FAM185A: variants seen among roughly 807,000 people sequenced by gnomAD.
The protein encoded by FAM185A is family with sequence similarity 185 member A, also known as protein FAM185A.
In FAM185A, 21 loss-of-function variants were observed where a neutral mutation model predicts 45.7. That is an observed-to-expected ratio of 0.46 (90% CI 0.33 to 0.66). FAM185A has a LOEUF of 0.66. FAM185A is among the 30% of genes least tolerant of loss of function. The pLI is 0.03. For synonymous variants in FAM185A, 117 were observed against 194.0 expected, an observed-to-expected ratio of 0.60 and a Z score of 3.30; for missense variants, 305 against 485.4, an observed-to-expected ratio of 0.63 and a Z score of 3.49.
downstream of FAM185A, chr7:102,814,209 G>A (rs536019687): frequency 6.6e-6 from 1 of 152,286 alleles, no homozygotes; most frequent in Non-Finnish European, 1.5e-5. Context: ...TAGAAAGTTG[G>A]TTTGAATCAC....
Position 102,757,257 on chromosome 7 carries a change from G to GT in FAM185A, c.562-596dup, listed in dbSNP as rs542900587. Reference sequence around the variant, plus strand: ...CCTTCAGACCGGTCCAGCGTTAAGAGTGTGGGCTTTGGAATCATACAGAAC... The same window carrying GT: ...CCTTCAGACCGGTCCAGCGTTAAGAGTTGTGGGCTTTGGAATCATACAGAAC... On this transcript the variant is annotated intron_variant, in intron 2 of 7. Coordinates refer to ENST00000413034, the MANE Select transcript of FAM185A (RefSeq NM_001145268.2). 3.3e-3 allele frequency among the ~76,000 whole-genome samples: 497 copies of GT among 152,044 alleles called. 1 individual carries two copies. The highest frequency in any genetic ancestry group is 6.1e-3 in the Non-Finnish European group (415 of 67,980).
At chr7:102,824,427 G>A in the FAM185A span, among the ~76,000 whole-genome samples, 2 of 151,944 alleles carry the variant, frequency 1.3e-5, no homozygotes, top group African/African-American at 4.8e-5. Context: ...TTTCTTGCTC[G>A]TTTCTCATTC....
downstream of FAM185A, among the ~76,000 whole-genome samples, chr7:102,810,014 T>G (rs753389194): frequency 6.6e-6 from 1 of 152,140 alleles, no homozygotes; most frequent in Admixed American, 6.5e-5. Context: ...GCTCCCACTT[T>G]GCCTTCTGCC....
intron 1 of FAM185A, among the ~76,000 whole-genome samples, chr7:102,750,524 A>G (rs1196875629): frequency 6.6e-6 from 1 of 152,218 alleles, no homozygotes; most frequent in East Asian, 1.9e-4. Flanking sequence ...GACAGATCAC[A>G]GTAATATAAC....
Position 102,759,971 on chromosome 7 carries a change from A to G in FAM185A, c.655-1302A>G, listed in dbSNP as rs546991958. ...ATGGTGATATTTGCTTTGTCCACTT[A>G]ACAAGGTTGTGAGAATCAAATGAGC... is the stretch of plus-strand genomic sequence containing the variant. On this transcript the variant is annotated intron_variant, in intron 3 of 7. Coordinates refer to ENST00000413034, the MANE Select transcript of FAM185A (RefSeq NM_001145268.2). Among the ~76,000 whole-genome samples, 22 of 152,192 alleles carry G rather than the reference A, an allele frequency of 1.4e-4. 1 individual carries two copies. Among genetic ancestry groups the G allele is most frequent in the African/African-American group, 5.1e-4 (21 of 41,532 alleles).
chr7:102,809,279 A>G (rs1456928719), downstream of FAM185A: 1 of 152,250 alleles, frequency 6.6e-6, no homozygotes, highest in Non-Finnish European at 1.5e-5. Context: ...GCTAATTAGG[A>G]AAAAAGAAAC....
chr7:102,825,785 T>C, the FAM185A span, among the ~76,000 whole-genome samples: 2 of 152,258 alleles, frequency 1.3e-5, no homozygotes, highest in Non-Finnish European at 2.9e-5. Context: ...ATTTCTTTCT[T>C]ATGTTGGATC....
intron 2 of FAM185A, among the ~76,000 whole-genome samples, chr7:102,756,633 G>A (rs1196485414): frequency 6.6e-6 from 1 of 151,852 alleles, no homozygotes; most frequent in Non-Finnish European, 1.5e-5. Context: ...CTTCAGCCTG[G>A]GCGACAGAGC....
chr7:102,819,708 C>A, the FAM185A span, among the ~76,000 whole-genome samples: 1 of 152,142 alleles, frequency 6.6e-6, no homozygotes, highest in Non-Finnish European at 1.5e-5. Context: ...TCTCTCTTAT[C>A]CCACCTGCCA....
chr7:102,816,969 T>C, the FAM185A span, among the ~76,000 whole-genome samples: 1 of 152,246 alleles, frequency 6.6e-6, no homozygotes, highest in African/African-American at 2.4e-5. Flanking sequence ...TAGCATCCCA[T>C]GGTCTGAATG....
intron 6 of FAM185A, among the ~76,000 whole-genome samples, chr7:102,778,759 T>A (rs1472669009): frequency 6.6e-6 from 1 of 152,178 alleles, no homozygotes; most frequent in Non-Finnish European, 1.5e-5. Context: ...AAACAAAGAT[T>A]TCTGTCTTAC....
chr7:102,781,947 G>C (rs933202476), intron 6 of FAM185A, among the ~76,000 whole-genome samples: 1 of 152,312 alleles, frequency 6.6e-6, no homozygotes, highest in African/African-American at 2.4e-5. Flanking sequence ...AATCAATGCA[G>C]AGAAGTCCCT....
the FAM185A span, among the ~76,000 whole-genome samples, chr7:102,827,806 T>C: frequency 1.3e-5 from 2 of 152,168 alleles, no homozygotes; most frequent in African/African-American, 4.8e-5. Flanking sequence ...GATAGTTTGC[T>C]GAGAACAATG....
At chr7:102,756,234 T>C (rs1793725420) in intron 2 of FAM185A, among the ~76,000 whole-genome samples, 1 of 152,044 alleles carries the variant, frequency 6.6e-6, no homozygotes, top group Non-Finnish European at 1.5e-5. Flanking sequence ...CCATATCTCT[T>C]TATGTAACAA....
At chr7:102,826,661 G>C in the FAM185A span, among the ~76,000 whole-genome samples, 2 of 142,664 alleles carry the variant, frequency 1.4e-5, no homozygotes, top group African/African-American at 5.2e-5. Context: ...GGAGGTTGAG[G>C]CTGCAGTGAG....
At chr7:102,838,284 T>C in the FAM185A span, among the ~76,000 whole-genome samples, 1 of 152,120 alleles carries the variant, frequency 6.6e-6, no homozygotes, top group Non-Finnish European at 1.5e-5. Context: ...AGCACCTACT[T>C]CATAGAGTTG....
chr7:102,786,602 C>T (rs1362243595), intron 6 of FAM185A, among the ~76,000 whole-genome samples: 1 of 152,214 alleles, frequency 6.6e-6, no homozygotes, highest in African/African-American at 2.4e-5. Flanking sequence ...ACCACATGTT[C>T]TCACTGATAG....
chr7:102,825,877 A>G, the FAM185A span, among the ~76,000 whole-genome samples: 13 of 152,200 alleles, frequency 8.5e-5, no homozygotes, highest in Non-Finnish European at 8.8e-5. Context: ...ACCATAGGCA[A>G]GTTGCTTAAA....
At chr7:102,839,082 A>G in the FAM185A span, among the ~76,000 whole-genome samples, 2 of 152,126 alleles carry the variant, frequency 1.3e-5, no homozygotes, top group Non-Finnish European at 2.9e-5. Context: ...TAGGAGAAAA[A>G]CCGCCCTATG....
Sources: gnomAD v4.1 joint callset for allele counts (sites outside exome capture counted in the v4.1 genomes callset) on GRCh38, gnomAD v4.1.1 for gene constraint, MANE v1.5 for transcripts, NCBI Gene and HGNC (gene_info 2026-07-23, HGNC 2026-07-21) for gene names.